The following SRPRB variants were observed in gnomAD, a reference collection of about 807,000 sequenced individuals.
SRPRB encodes the protein signal recognition particle receptor subunit beta.
In SRPRB, 20 loss-of-function variants were observed where a neutral mutation model predicts 31.9. That is an observed-to-expected ratio of 0.63 (90% confidence interval 0.44 to 0.91). SRPRB has a LOEUF of 0.91. Among genes scored for constraint, SRPRB ranks in the 40% least tolerant of loss-of-function variants. The probability of loss-of-function intolerance (pLI) is 0.00; values close to 1 mark genes in which losing one functional copy is unlikely to be tolerated. For missense variants in SRPRB, 321 were observed against 324.9 expected, an observed-to-expected ratio of 0.99 and a Z score of 0.09; for synonymous variants, 146 against 132.8, an observed-to-expected ratio of 1.10 and a Z score of -0.68.
At chr3:133,825,728 A>G (rs1222843678), downstream of SRPRB, 1 of 152,194 alleles carries the variant, frequency 6.6e-6, no homozygotes, top group African/African-American at 2.4e-5. Flanking sequence ...CTTTGTTGAT[A>G]AGCTTTTAAG....
chr3:133,823,437 G>A (rs1477559512), downstream of SRPRB, among the ~76,000 whole-genome samples: 1 of 152,124 alleles, frequency 6.6e-6, no homozygotes, highest in East Asian at 1.9e-4. Flanking sequence ...ATTTTTAGTA[G>A]AGATGAGGTT....
downstream of SRPRB, chr3:133,827,591 T>C (rs183770585): frequency 6.4e-3 from 2,280 of 356,436 alleles, 12 homozygotes; most frequent in Non-Finnish European, 9.0e-3. Flanking sequence ...GCAGCCACAG[T>C]AGCCACAAAG....
At chr3:133,828,202 G>A, downstream of SRPRB, 1 of 574,214 alleles carries the variant, frequency 1.7e-6, no homozygotes, top group Non-Finnish European at 3.1e-6. Context: ...GGAAAGACAA[G>A]AGTCAGAGCT....
chr3:133,824,189 G>C (rs936061031), downstream of SRPRB: 2 of 152,182 alleles, frequency 1.3e-5, no homozygotes, highest in African/African-American at 4.8e-5. Flanking sequence ...AACTGTTTTT[G>C]AACCCCCCCA....
At chr3:133,804,674 G>T (rs1935118608), upstream of SRPRB, among the ~76,000 whole-genome samples, 1 of 151,720 alleles carries the variant, frequency 6.6e-6, no homozygotes, top group Non-Finnish European at 1.5e-5. Flanking sequence ...TCAGGCATGG[G>T]TGCCTGAGAA....
chr3:133,799,464 A>G (rs1935030774), intron 1 of SRPRB, among the ~76,000 whole-genome samples: 1 of 152,202 alleles, frequency 6.6e-6, no homozygotes, highest in Non-Finnish European at 1.5e-5. Flanking sequence ...ACATGAACAT[A>G]TATGCTTGCG....
chr3:133,794,766 G>A (rs1559886457), intron 1 of SRPRB: 1 of 152,194 alleles, frequency 6.6e-6, no homozygotes, highest in African/African-American at 2.4e-5. Flanking sequence ...TGGCATCCTT[G>A]ATGTGAACAG....
At chr3:133,805,713 C>G, upstream of SRPRB, 1 of 1,181,118 alleles carries the variant, frequency 8.5e-7, no homozygotes, top group Non-Finnish European at 1.1e-6. Flanking sequence ...TCCCATCAAG[C>G]ACTTGGGGGA....
In SRPRB at chr3:133,819,864, G is replaced by A. The variant is rs1172779067; in HGVS notation, c.*98G>A. The stretch of plus-strand genomic sequence containing the variant: ...TTGATGAGGAAGGGGTACAAGATGT[G>A]GTTAGAAACATTTCTTTGTTCTGGA... On this transcript the variant is annotated 3_prime_UTR_variant, in exon 7 of 7. Transcript: ENST00000678299. 1.9e-6 allele frequency: 2 copies of A among 1,062,520 alleles called. No individual in the cohort carries two copies. Among genetic ancestry groups the A allele is most frequent in the Non-Finnish European group, 2.8e-6 (2 of 725,958 alleles). 65.8% of individuals were successfully genotyped at this position (1,062,520 alleles called of 1,614,324 possible).
intron 1 of SRPRB, chr3:133,793,203 G>T (rs1487971334): frequency 6.6e-6 from 1 of 152,094 alleles, no homozygotes; most frequent in Admixed American, 6.5e-5. Context: ...GAGACAGATT[G>T]TTTGTAAAGT....
At position 133,807,814 on chromosome 3, in the gene SRPRB, C is replaced by A; in HGVS notation, c.318C>A (p.Asn106Lys). 1 of 1,609,818 alleles carries A rather than the reference C, an allele frequency of 6.2e-7. No homozygotes were observed. Among genetic ancestry groups the A allele is most frequent in the Non-Finnish European group, 8.5e-7 (1 of 1,178,798 alleles). Residue 106 changes from asparagine (N) to lysine (K), a missense_variant, in exon 3 of 7, where the codon AAC becomes AAA. Asn to Lys is a moderately conservative substitution (Grantham distance 94). Transcript: ENST00000678299. The stretch of plus-strand genomic sequence containing the variant: ...ACAGCTGTGCTGTATACAGAGTCAA[C>A]AATAACAGGGTAAGATGTTTGTGGA... ...ITDSCAVYRV[N>K]NNRGNSLTLI... is the part of the protein sequence containing the mutation.
At chr3:133,818,400 C>T (rs1935402771) in intron 6 of SRPRB, among the ~76,000 whole-genome samples, 1 of 152,134 alleles carries the variant, frequency 6.6e-6, no homozygotes, top group Non-Finnish European at 1.5e-5. Flanking sequence ...TCTTAAAAGG[C>T]AGTGAAACAA....
Position 133,811,114 on chromosome 3 carries a change from C to T in SRPRB, c.328-3C>T. ...ACGTTAATGTTATTGCTGCCATCCC[C>T]AGGGCAATAGTCTGACCTTGATTGA... is the stretch of plus-strand genomic sequence containing the variant. On this transcript the variant is annotated splice_polypyrimidine_tract_variant and splice_region_variant and intron_variant, in intron 3 of 6. Transcript: ENST00000678299. 1.2e-6 allele frequency: 2 copies of T among 1,613,942 alleles called. No homozygotes were observed. Among genetic ancestry groups the T allele is most frequent in the Non-Finnish European group, 8.5e-7 (1 of 1,179,884 alleles).
intron 4 of SRPRB, among the ~76,000 whole-genome samples, chr3:133,814,524 C>T (rs1935332797): frequency 6.6e-6 from 1 of 152,196 alleles, no homozygotes; most frequent in South Asian, 2.1e-4. Context: ...CTGCAACCTT[C>T]GCCTTCTGGG....
intron 1 of SRPRB, chr3:133,792,971 T>C (rs1258482295): frequency 6.6e-6 from 1 of 152,212 alleles, no homozygotes; most frequent in Non-Finnish European, 1.5e-5. Context: ...AAAAGGTTTA[T>C]GAGAATCTCA....
chr3:133,785,309 G>GC (rs1212382716), intron 1 of SRPRB: 2 of 106,648 alleles, frequency 1.9e-5, no homozygotes, highest in Non-Finnish European at 3.9e-5. Context: ...GGGGGGGTCG[G>GC]CCCCCCGCCC....
chr3:133,807,823 G>A lies in SRPRB; in HGVS notation c.327G>A (p.Arg109=). ...SCAVYRVNNN[R]GNSLTLIDLP... is the part of the protein sequence containing the mutation. The stretch of plus-strand genomic sequence containing the variant: ...CTGTATACAGAGTCAACAATAACAG[G>A]GTAAGATGTTTGTGGAGTTTTGGAG... The change falls in exon 3 of 7, where the codon AGG becomes AGA. Residue 109 remains arginine, a splice_region_variant and synonymous_variant. Coordinates refer to ENST00000678299, the MANE Select transcript of SRPRB (RefSeq NM_001379313.1). The A allele has an allele frequency of 6.2e-7, 1 of 1,604,906 alleles. No homozygotes were observed. The highest frequency in any genetic ancestry group is 8.5e-7 in the Non-Finnish European group (1 of 1,177,422).
At chr3:133,785,008 C>G (rs1298700838) in intron 1 of SRPRB, 1 of 78,680 alleles carries the variant, frequency 1.3e-5, no homozygotes, top group Non-Finnish European at 3.2e-5. Context: ...GGGGGTCAGC[C>G]CCCCGCCCGG....
intron 4 of SRPRB, among the ~76,000 whole-genome samples, chr3:133,812,725 T>A (rs78229685): frequency 0.025 from 3,802 of 152,336 alleles, 102 homozygotes; most frequent in African/African-American, 0.064. Flanking sequence ...ATTGTCTGAA[T>A]CCAATAATAT....
Sources: gnomAD v4.1 joint callset for allele counts (sites outside exome capture counted in the v4.1 genomes callset) on GRCh38, gnomAD v4.1.1 for gene constraint, MANE v1.5 for transcripts, NCBI Gene and HGNC (gene_info 2026-07-23, HGNC 2026-07-21) for gene names.